NUFIP2: variants seen among roughly 807,000 people sequenced by gnomAD.
NUFIP2 encodes the protein nuclear FMR1 interacting protein 2, also known as FMR1-interacting protein NUFIP2.
NUFIP2 carries 6 observed loss-of-function variants against 56.9 expected under a neutral mutation model. That is an observed-to-expected ratio of 0.11 (90% CI 0.06 to 0.21). The LOEUF (loss-of-function observed/expected upper bound fraction) is 0.21, where lower values mean the gene tolerates loss of function less well. Among genes scored for constraint, NUFIP2 ranks in the 10% least tolerant of loss-of-function variants. The pLI is 1.00. For synonymous variants in NUFIP2, 321 were observed against 298.2 expected (o/e 1.08, Z -0.79); for missense variants, 828 against 826.8 (o/e 1.00, Z -0.02).
At position 29,261,691 on chromosome 17, in the gene NUFIP2, G is replaced by A. The variant is rs2069003889; in HGVS notation, c.*2848C>T. 1.3e-5 allele frequency: 2 copies of A among 152,614 alleles called. No homozygotes were observed. Among genetic ancestry groups the A allele is most frequent in the Admixed American group, 6.6e-5 (1 of 15,266 alleles). 9.5% of individuals were successfully genotyped at this position (152,614 alleles called of 1,614,324 possible). On this transcript the variant is annotated 3_prime_UTR_variant, in exon 4 of 4. Transcript: ENST00000225388. ...AATTGTGTGAGGACCTAAGGAGAAA[G>A]ATTGCAACAAATAGAGTTAAGTGTT... is the stretch of plus-strand genomic sequence containing the variant.
At chr17:29,291,050 AAAAG>A (rs1191288076) in intron 1 of NUFIP2, among the ~76,000 whole-genome samples, 3 of 150,024 alleles carry the variant, frequency 2.0e-5, no homozygotes, top group African/African-American at 7.6e-5. Flanking sequence ...AAAAAAAAAA[AAAAG>A]AAAAGAAAAT....
In NUFIP2 at chr17:29,285,701, C is replaced by T. The variant is rs146211616; in HGVS notation, c.2002+291G>A. ...AGCACTCAGTCAAGAGAAAATATAA[C>T]ATCAATACCTTTAAGCAAGTTCTCC... On this transcript the variant is annotated intron_variant, in intron 2 of 3. Coordinates refer to ENST00000225388, the MANE Select transcript of NUFIP2 (RefSeq NM_020772.3). Among the ~76,000 whole-genome samples the T allele has an allele frequency of 4.0e-5, 6 of 151,838 alleles. No homozygotes were observed. In the East Asian group the frequency reaches 9.7e-4, roughly 24 times the overall value.
rs1180616011 is a variant in NUFIP2 at position 29,259,038 on chromosome 17, T to A, written c.*5501A>T. 2 of 152,206 alleles carry A rather than the reference T, an allele frequency of 1.3e-5. No homozygotes were observed. Among genetic ancestry groups the A allele is most frequent in the Non-Finnish European group, 2.9e-5 (2 of 68,036 alleles). 9.4% of individuals were successfully genotyped at this position (152,206 alleles called of 1,614,324 possible). A position where few individuals can be genotyped will look rare whatever the true frequency, so the allele number is the denominator to read the frequency against. ...TTCATATTTACATATTAAAACCACT[T>A]TTGTTAACACCAAATCTTTACATCT... On this transcript the variant is annotated 3_prime_UTR_variant, in exon 4 of 4. Transcript: ENST00000225388.
intron 2 of NUFIP2, among the ~76,000 whole-genome samples, chr17:29,274,528 T>C (rs1055245217): frequency 6.6e-6 from 1 of 152,226 alleles, no homozygotes; most frequent in African/African-American, 2.4e-5. Flanking sequence ...ACTGTATATG[T>C]ACCATCTATG....
rs1004434785 is a variant in NUFIP2, at chr17:29,260,067, T to C, written c.*4472A>G. 1 of 152,206 alleles carries C rather than the reference T, an allele frequency of 6.6e-6. No individual in the cohort carries two copies. The highest frequency in any genetic ancestry group is 2.4e-5 in the African/African-American group (1 of 41,464). 9.4% of individuals were successfully genotyped at this position (152,206 alleles called of 1,614,324 possible). ...TGTTGATTAATTACATTAGTAAAAA[T>C]AACATCGATATTAAGAACTAATGTT... On this transcript the variant is annotated 3_prime_UTR_variant, in exon 4 of 4. Transcript: ENST00000225388.
In NUFIP2 at chr17:29,293,971, GGCTGCTGCT is replaced by G. The variant is rs577779578; in HGVS notation, c.80_88del (p.Gln27_Gln29del). The G allele has an allele frequency of 8.7e-6, 14 of 1,608,312 alleles. No homozygotes were observed. In the East Asian group the frequency reaches 1.6e-4, roughly 18 times the overall value. On this transcript the variant is annotated inframe_deletion, in exon 1 of 4. Coordinates refer to ENST00000225388, the MANE Select transcript of NUFIP2 (RefSeq NM_020772.3). The stretch of plus-strand genomic sequence containing the variant: ...GAAATAATAATGGTGGTGGTGGTGC[GGCTGCTGCT>G]GCTGCTGCTGAGGGTGATGGTGCGG...
chr17:29,266,600 A>G (rs1025997590), intron 3 of NUFIP2, among the ~76,000 whole-genome samples: 1 of 151,968 alleles, frequency 6.6e-6, no homozygotes, highest in Admixed American at 6.6e-5. Context: ...GGCTCCTATA[A>G]CAGCTAATAT....
Position 29,263,040 on chromosome 17 carries a change from A to C in NUFIP2, c.*1499T>G, listed in dbSNP as rs1230401113. 2 of 152,614 alleles carry C rather than the reference A, an allele frequency of 1.3e-5. No individual in the cohort carries two copies. Among genetic ancestry groups the C allele is most frequent in the African/African-American group, 4.8e-5 (2 of 41,442 alleles). The allele number at this position is 152,614 out of a possible 1,614,324, so 9.5% of individuals were successfully genotyped here. On this transcript the variant is annotated 3_prime_UTR_variant, in exon 4 of 4. Transcript: ENST00000225388. ...GGATCCAGTCTACTTTTATCAGAAGACTACAACTCTTTATATAAATGCCCT... is the reference window on the plus strand; with the variant it reads ...GGATCCAGTCTACTTTTATCAGAAGCCTACAACTCTTTATATAAATGCCCT...
At chr17:29,282,002 T>C (rs565114029) in intron 2 of NUFIP2, among the ~76,000 whole-genome samples, 1 of 151,812 alleles carries the variant, frequency 6.6e-6, no homozygotes, top group African/African-American at 2.4e-5. Flanking sequence ...GACCTCGTGA[T>C]CCACCCTCCT....
intron 2 of NUFIP2, among the ~76,000 whole-genome samples, chr17:29,278,468 G>T (rs936870762): frequency 6.6e-6 from 1 of 151,782 alleles, no homozygotes; most frequent in Non-Finnish European, 1.5e-5. Context: ...GGATGGTCTC[G>T]ATCTCCTGAC....
intron 3 of NUFIP2, 122 bp from the exon 4 acceptor site, chr17:29,264,713 A>C (rs2069024266): frequency 1.7e-6 from 1 of 574,552 alleles, no homozygotes; most frequent in Non-Finnish European, 3.1e-6. Flanking sequence ...ACAAAACTTC[A>C]AGCCCATTTC....
rs762891678 is a variant in NUFIP2 at position 29,294,033 on chromosome 17, C to A, written c.27G>T (p.Gln9His). 2.5e-6 allele frequency: 4 copies of A among 1,606,326 alleles called. No individual in the cohort carries two copies. The African/African-American group carries it at 4.0e-5, about 16-fold the overall frequency. Reference protein sequence around the residue: MEEKPGQPQPQHHHSHHHP... With the variant: MEEKPGQPHPQHHHSHHHP... ...GGTGGTGGCTGTGATGGTGCTGAGG[C>A]TGTGGCTGGCCGGGCTTCTCCTCCA... The change falls in exon 1 of 4, where the codon CAG becomes CAT. Residue 9 changes from glutamine to histidine, a missense_variant. Physicochemically the swap from Gln to His is conservative, Grantham distance 24 (BLOSUM62 0). Coordinates refer to ENST00000225388, the MANE Select transcript of NUFIP2 (RefSeq NM_020772.3).
intron 2 of NUFIP2, among the ~76,000 whole-genome samples, chr17:29,268,141 C>T (rs372721397): frequency 2.6e-5 from 4 of 152,252 alleles, no homozygotes. Context: ...TCAGGTGATC[C>T]GCCCACCTCG....
At chr17:29,275,025 T>G (rs2069098583) in intron 2 of NUFIP2, among the ~76,000 whole-genome samples, 1 of 147,418 alleles carries the variant, frequency 6.8e-6, no homozygotes, top group Admixed American at 6.7e-5. Flanking sequence ...TGAACTCAGT[T>G]TTTTTTTTGT....
In NUFIP2 at chr17:29,257,197, C is replaced by G. The variant is rs987594408; in HGVS notation, c.*7342G>C. ...AATTGAACTTTATTAAAATAGGTGC[C>G]AGTTTTCCTCTCTCCTAGTTCCACT... is the stretch of plus-strand genomic sequence containing the variant. On this transcript the variant is annotated 3_prime_UTR_variant, in exon 4 of 4. Transcript: ENST00000225388. The G allele has an allele frequency of 6.6e-6, 1 of 152,138 alleles. No homozygotes were observed. Among genetic ancestry groups the G allele is most frequent in the Non-Finnish European group, 1.5e-5 (1 of 68,014 alleles). The allele number at this position is 152,138 out of a possible 1,614,324, so 9.4% of individuals were successfully genotyped here.
chr17:29,260,073 C>T lies in NUFIP2; in HGVS notation c.*4466G>A, dbSNP rs908296328. ...TTAATTACATTAGTAAAAATAACAT[C>T]GATATTAAGAACTAATGTTAAGCTA... On this transcript the variant is annotated 3_prime_UTR_variant, in exon 4 of 4. Coordinates refer to ENST00000225388, the MANE Select transcript of NUFIP2 (RefSeq NM_020772.3). The T allele has an allele frequency of 5.3e-5, 8 of 152,158 alleles. No individual in the cohort carries two copies. Among genetic ancestry groups the T allele is most frequent in the Non-Finnish European group, 1.0e-4 (7 of 68,026 alleles). The allele number at this position is 152,158 out of a possible 1,614,324, so 9.4% of individuals were successfully genotyped here.
chr17:29,282,347 G>A (rs572930661), intron 2 of NUFIP2, among the ~76,000 whole-genome samples: 22 of 151,720 alleles, frequency 1.5e-4, no homozygotes, highest in African/African-American at 5.1e-4. Context: ...ATGAGGTCAG[G>A]AGACCAGCCT....
rs777355063 is a variant in NUFIP2 at position 29,287,265 on chromosome 17, T to C, written c.729A>G (p.Lys243=). ...GCENLNIVQD[K]IMQQETSVPT... is the part of the protein sequence containing the mutation. ...GGACACTGGTCTCTTGTTGCATTAT[T>C]TTGTCCTGCACTATATTAAGGTTTT... Residue 243 remains lysine, a synonymous_variant, in exon 2 of 4, where the codon AAA becomes AAG. Transcript: ENST00000225388. 3 of 1,614,084 alleles carry C rather than the reference T, an allele frequency of 1.9e-6. No individual in the cohort carries two copies. Among genetic ancestry groups the C allele is most frequent in the Non-Finnish European group, 2.5e-6 (3 of 1,180,062 alleles).
At position 29,257,640 on chromosome 17, in the gene NUFIP2, C is replaced by G. The variant is rs1177982374; in HGVS notation, c.*6899G>C. 6.6e-6 allele frequency: 1 copy of G among 151,988 alleles called. No individual in the cohort carries two copies. Among genetic ancestry groups the G allele is most frequent in the Non-Finnish European group, 1.5e-5 (1 of 67,988 alleles). 9.4% of individuals were successfully genotyped at this position (151,988 alleles called of 1,614,324 possible). ...ACAAAATTTTTAAAGTTGGAAAGAG[C>G]TGATAACTTGGATCATAGCTCACAC... On this transcript the variant is annotated 3_prime_UTR_variant, in exon 4 of 4. Coordinates refer to ENST00000225388, the MANE Select transcript of NUFIP2 (RefSeq NM_020772.3).
Sources: gnomAD v4.1 joint callset for allele counts (sites outside exome capture counted in the v4.1 genomes callset) on GRCh38, gnomAD v4.1.1 for gene constraint, MANE v1.5 for transcripts, NCBI Gene and HGNC (gene_info 2026-07-23, HGNC 2026-07-21) for gene names.